Variants in LRRC49 observed in about 807,000 individuals in gnomAD.
LRRC49 encodes the protein leucine rich repeat containing 49.
LRRC49 carries 50 observed loss-of-function variants against 83.3 expected under a neutral mutation model. That is an observed-to-expected ratio of 0.60 (90% CI 0.48 to 0.76). The LOEUF is 0.76. LRRC49 is among the 30% of genes least tolerant of loss of function. LRRC49 has a pLI of 0.00. For synonymous variants in LRRC49, 286 were observed against 283.3 expected, an observed-to-expected ratio of 1.01 and a Z score of -0.10; for missense variants, 704 against 809.1, an observed-to-expected ratio of 0.87 and a Z score of 1.58.
chr15:70,928,419 C>T (rs2035288995), intron 7 of LRRC49, among the ~76,000 whole-genome samples: 1 of 151,940 alleles, frequency 6.6e-6, no homozygotes, highest in African/African-American at 2.4e-5. Context: ...AGTTTATTTT[C>T]CCCAAGTGCT....
intron 8 of LRRC49, among the ~76,000 whole-genome samples, chr15:70,958,933 C>T (rs779165233): frequency 9.9e-5 from 15 of 152,104 alleles, no homozygotes; most frequent in Non-Finnish European, 1.6e-4. Context: ...TAGAACTTGC[C>T]TCAACCTTGT....
chr15:70,997,571 C>T (rs1414933226), intron 11 of LRRC49, among the ~76,000 whole-genome samples: 6 of 151,902 alleles, frequency 3.9e-5, no homozygotes, highest in Admixed American at 1.3e-4. Flanking sequence ...GCCAACATGG[C>T]GAAACCCCGT....
At position 70,985,878 on chromosome 15, in the gene LRRC49, A is replaced by G. The variant is rs2037594622; in HGVS notation, c.1169+1621A>G. 4.1e-5 allele frequency among the ~76,000 whole-genome samples: 6 copies of G among 145,580 alleles called. No individual in the cohort carries two copies. The South Asian group carries it at 1.4e-3, about 34-fold the overall frequency. On this transcript the variant is annotated intron_variant, in intron 11 of 15. Coordinates refer to ENST00000260382, the MANE Select transcript of LRRC49 (RefSeq NM_017691.5). ...GCCAGTTTTCCCAGCACCATTTATT[A>G]AATAGGGAATCCTTTCCCCATTGCT...
At chr15:70,853,886 T>A in intron 1 of LRRC49, 5 of 1,291,216 alleles carry the variant, frequency 3.9e-6, no homozygotes, top group Non-Finnish European at 4.9e-6. Context: ...CCGCCGCGCC[T>A]ACCTGTGCCC....
chr15:70,957,265 A>G (rs923865847), intron 8 of LRRC49, among the ~76,000 whole-genome samples: 2 of 152,194 alleles, frequency 1.3e-5, no homozygotes, highest in East Asian at 1.9e-4. Flanking sequence ...GATAGACTCT[A>G]CAATCTGGCT....
At chr15:70,950,147 T>C (rs2036165816) in intron 8 of LRRC49, among the ~76,000 whole-genome samples, 1 of 152,194 alleles carries the variant, frequency 6.6e-6, no homozygotes, top group Non-Finnish European at 1.5e-5. Flanking sequence ...ATTTCATTAT[T>C]TTTTATGTCT....
intron 9 of LRRC49, among the ~76,000 whole-genome samples, chr15:70,965,244 G>A (rs1015895003): frequency 7.9e-5 from 12 of 152,072 alleles, no homozygotes; most frequent in African/African-American, 2.4e-4. Flanking sequence ...TATATGGTAT[G>A]TTCCTCATAG....
intron 4 of LRRC49, among the ~76,000 whole-genome samples, chr15:70,902,364 T>C (rs2034119637): frequency 6.6e-6 from 1 of 152,180 alleles, no homozygotes; most frequent in African/African-American, 2.4e-5. Flanking sequence ...CTTAACAGCA[T>C]GGGCCTCTGG....
At chr15:70,862,546 C>G (rs377601185) in intron 1 of LRRC49, among the ~76,000 whole-genome samples, 25 of 139,840 alleles carry the variant, frequency 1.8e-4, no homozygotes, top group East Asian at 1.5e-3. Context: ...CCACTGCCCT[C>G]CAGCCTGGGC....
chr15:70,861,524 C>A (rs1258013415), intron 1 of LRRC49, among the ~76,000 whole-genome samples: 1 of 151,724 alleles, frequency 6.6e-6, no homozygotes, highest in Non-Finnish European at 1.5e-5. Context: ...TCTAAAAGGC[C>A]CTCAGTACTG....
In LRRC49 at chr15:70,938,895, A is replaced by G. The variant is rs2035700266; in HGVS notation, c.773+2073A>G. Among the ~76,000 whole-genome samples the G allele has an allele frequency of 2.6e-5, 4 of 152,224 alleles. No individual in the cohort carries two copies. The South Asian group carries it at 6.2e-4, about 24-fold the overall frequency. On this transcript the variant is annotated intron_variant, in intron 8 of 15. Transcript: ENST00000260382. ...TCAAAACCCATATAGGGATCCTAAG[A>G]TCAATTTAGTGATTTAAAACCAGAC...
chr15:70,858,481 G>T (rs577580708), intron 1 of LRRC49, among the ~76,000 whole-genome samples: 2 of 152,328 alleles, frequency 1.3e-5, no homozygotes, highest in Admixed American at 6.5e-5. Context: ...GCGGGTGCCT[G>T]TAGTCCCAGC....
At chr15:70,945,639 G>GTT (rs544555851) in intron 8 of LRRC49, among the ~76,000 whole-genome samples, 1 of 137,272 alleles carries the variant, frequency 7.3e-6, no homozygotes, top group African/African-American at 2.7e-5. Context: ...TATTAAAGAT[G>GTT]TTTTTTTTTT....
intron 14 of LRRC49, among the ~76,000 whole-genome samples, chr15:71,028,376 T>C (rs751731180): frequency 2.3e-4 from 35 of 152,352 alleles, no homozygotes; most frequent in Non-Finnish European, 4.3e-4. Context: ...TTTGTATCAA[T>C]GTTCATCATT....
chr15:70,958,458 T>C (rs2141190063), intron 8 of LRRC49, among the ~76,000 whole-genome samples: 1 of 152,200 alleles, frequency 6.6e-6, no homozygotes, highest in African/African-American at 2.4e-5. Flanking sequence ...TAGTTCACTT[T>C]AACAAAGTGG....
intron 9 of LRRC49, among the ~76,000 whole-genome samples, chr15:70,967,745 A>G (rs1274005435): frequency 6.6e-6 from 1 of 152,082 alleles, no homozygotes; most frequent in Non-Finnish European, 1.5e-5. Flanking sequence ...TTGTAGTATG[A>G]AAAAAGGCAT....
At position 70,962,991 on chromosome 15, in the gene LRRC49, G is replaced by T. The variant is rs1037259082; in HGVS notation, c.774-794G>T. 1.6e-4 allele frequency among the ~76,000 whole-genome samples: 25 copies of T among 152,160 alleles called. 2 individuals carry two copies. The highest frequency in any genetic ancestry group is 5.2e-4 in the Admixed American group (8 of 15,278). On this transcript the variant is annotated intron_variant, in intron 8 of 15. Transcript: ENST00000260382. ...CATATTAATAATATATACCACCTGG[G>T]CATAGTGGTCATGCCTGTTAATTCC...
intron 2 of LRRC49, among the ~76,000 whole-genome samples, chr15:70,877,473 A>G (rs1002066089): frequency 2.0e-5 from 3 of 151,900 alleles, no homozygotes; most frequent in Non-Finnish European, 4.4e-5. Context: ...TTGTGCCTGG[A>G]TTTTTTTCAC....
At chr15:70,993,688 T>C (rs1025273567) in intron 11 of LRRC49, among the ~76,000 whole-genome samples, 1 of 152,216 alleles carries the variant, frequency 6.6e-6, no homozygotes, top group African/African-American at 2.4e-5. Context: ...CTTTATAGCA[T>C]TGGGCTTTAG....
Sources: allele counts gnomAD v4.1 joint callset (sites outside exome capture counted in the v4.1 genomes callset), GRCh38; gene constraint gnomAD v4.1.1; transcripts MANE v1.5; gene names NCBI Gene and HGNC (gene_info 2026-07-23, HGNC 2026-07-21).